Variants in FERRY3 observed in about 807,000 individuals in gnomAD.
FERRY3 encodes the protein FERRY endosomal RAB5 effector complex subunit 3.
chr12:4,513,432 C>G, the FERRY3 span, among the ~76,000 whole-genome samples: 1 of 150,900 alleles, frequency 6.6e-6, no homozygotes, highest in Non-Finnish European at 1.5e-5. Flanking sequence ...GCCCGCATCG[C>G]CAAGTCAATC....
the FERRY3 span, among the ~76,000 whole-genome samples, chr12:4,491,721 G>GT: frequency 3.9e-5 from 6 of 152,206 alleles, no homozygotes; most frequent in Non-Finnish European, 7.4e-5. Context: ...AAATATGGAC[G>GT]TAAGTGTCAC....
the FERRY3 span, among the ~76,000 whole-genome samples, chr12:4,509,568 C>T: frequency 6.7e-6 from 1 of 148,592 alleles, no homozygotes; most frequent in Non-Finnish European, 1.5e-5. Context: ...GGCAGACTGC[C>T]TCCTCAAGTG....
At chr12:4,512,532 C>T in the FERRY3 span, among the ~76,000 whole-genome samples, 1 of 151,238 alleles carries the variant, frequency 6.6e-6, no homozygotes, top group African/African-American at 2.4e-5. Context: ...CATCAAAAAG[C>T]TTATCCACCA....
chr12:4,536,927 A>T, the FERRY3 span, among the ~76,000 whole-genome samples: 11 of 152,368 alleles, frequency 7.2e-5, no homozygotes, highest in East Asian at 2.1e-3. Flanking sequence ...CTGAAGTTAT[A>T]GTAATCTTCC....
chr12:4,496,027 C>T, the FERRY3 span, among the ~76,000 whole-genome samples: 3 of 152,286 alleles, frequency 2.0e-5, no homozygotes, highest in Admixed American at 2.0e-4. Flanking sequence ...GCGTATGACT[C>T]TAAGAGGAAA....
chr12:4,525,442 A>G, the FERRY3 span: 1 of 1,600,880 alleles, frequency 6.2e-7, no homozygotes, highest in South Asian at 1.1e-5. Flanking sequence ...AAAACAAAAG[A>G]AAATGCAACT....
the FERRY3 span, among the ~76,000 whole-genome samples, chr12:4,506,380 G>C: frequency 6.6e-6 from 1 of 152,122 alleles, no homozygotes. Context: ...TTTTTATCCA[G>C]TGACTTTGAT....
At chr12:4,525,066 C>A in the FERRY3 span, 1 of 619,520 alleles carries the variant, frequency 1.6e-6, no homozygotes, top group Non-Finnish European at 2.6e-6. Flanking sequence ...TAACCAATAA[C>A]CATTGCCCCC....
the FERRY3 span, among the ~76,000 whole-genome samples, chr12:4,521,652 GCCC>G: frequency 6.6e-6 from 1 of 152,070 alleles, no homozygotes; most frequent in African/African-American, 2.4e-5. Context: ...ATTTTACAAT[GCCC>G]CCATTAACCT....
At chr12:4,495,090 T>C in the FERRY3 span, among the ~76,000 whole-genome samples, 1 of 152,212 alleles carries the variant, frequency 6.6e-6, no homozygotes, top group African/African-American at 2.4e-5. Context: ...TAATCAACTA[T>C]TGTATGGTCT....
chr12:4,497,277 T>G, the FERRY3 span, among the ~76,000 whole-genome samples: 1 of 152,116 alleles, frequency 6.6e-6, no homozygotes. Context: ...AGAAGCCAGA[T>G]ATAAGATAAA....
At chr12:4,519,507 G>A in the FERRY3 span, among the ~76,000 whole-genome samples, 4 of 152,204 alleles carry the variant, frequency 2.6e-5, no homozygotes, top group African/African-American at 9.7e-5. This position sits in a 1 kb window ranked among gnomAD's most constrained non-coding sequence, Gnocchi z 4.3. Context: ...AGTGGTATAT[G>A]CTGAGGATGA....
At chr12:4,510,813 A>G in the FERRY3 span, among the ~76,000 whole-genome samples, 3,712 of 146,340 alleles carry the variant, frequency 0.025, 143 homozygotes, top group African/African-American at 0.092. Context: ...AAAGACCATC[A>G]AGACTAGGAA....
the FERRY3 span, among the ~76,000 whole-genome samples, chr12:4,533,851 A>G: frequency 6.6e-6 from 1 of 152,202 alleles, no homozygotes; most frequent in Admixed American, 6.5e-5. Flanking sequence ...ACTAAAAAAT[A>G]TTCATTTATC....
the FERRY3 span, among the ~76,000 whole-genome samples, chr12:4,533,459 C>A: frequency 2.0e-5 from 3 of 152,184 alleles, no homozygotes; most frequent in South Asian, 6.2e-4. Context: ...CGAAACTGAT[C>A]TTGCCACAGA....
the FERRY3 span, chr12:4,525,290 T>C: frequency 6.2e-7 from 1 of 1,613,648 alleles, no homozygotes; most frequent in Non-Finnish European, 8.5e-7. Flanking sequence ...TAGGTCTTGG[T>C]GAAGTTTTAT....
the FERRY3 span, among the ~76,000 whole-genome samples, chr12:4,536,414 G>T: frequency 4.2e-5 from 6 of 144,040 alleles, no homozygotes; most frequent in Admixed American, 6.9e-5. Context: ...AAAAAAAAAA[G>T]ACACTTTGTT....
At chr12:4,522,865 A>G in the FERRY3 span, among the ~76,000 whole-genome samples, 1 of 152,238 alleles carries the variant, frequency 6.6e-6, no homozygotes, top group Non-Finnish European at 1.5e-5. Flanking sequence ...AACAACTCCA[A>G]TGAGTCTCAA....
At chr12:4,511,437 A>AT in the FERRY3 span, among the ~76,000 whole-genome samples, 18 of 152,300 alleles carry the variant, frequency 1.2e-4, no homozygotes, top group East Asian at 1.5e-3. Flanking sequence ...CAGAATATAC[A>AT]TTTTTTTAGC....
Sources: allele counts gnomAD v4.1 joint callset (sites outside exome capture counted in the v4.1 genomes callset), GRCh38; gene constraint gnomAD v4.1.1; non-coding constraint Gnocchi (gnomAD v3.1); transcripts MANE v1.5; gene names NCBI Gene and HGNC (gene_info 2026-07-23, HGNC 2026-07-21).